GAB2: variants seen among roughly 807,000 people sequenced by gnomAD.
The protein encoded by GAB2 is GRB2-associated-binding protein 2.
A neutral mutation model predicts 65.5 loss-of-function variants in GAB2; 26 were observed. The ratio of observed to expected loss-of-function variants is 0.40; its 90% CI spans 0.29 to 0.55. The LOEUF is 0.55. GAB2 is among the 20% of genes least tolerant of loss of function. The pLI, the probability that GAB2 is intolerant of heterozygous loss-of-function variation, is 0.53. For synonymous variants in GAB2, 321 were observed against 329.6 expected, an observed-to-expected ratio of 0.97 and a Z score of 0.28; for missense variants, 884 against 875.8, an observed-to-expected ratio of 1.01 and a Z score of -0.12.
intron 3 of GAB2, among the ~76,000 whole-genome samples, chr11:78,245,357 T>C (rs772863111): frequency 3.0e-4 from 46 of 152,130 alleles, no homozygotes; most frequent in Admixed American, 3.9e-4. Context: ...AAAATACATA[T>C]AGAATAATAA....
chr11:78,332,491 G>A (rs1215320726), intron 1 of GAB2, among the ~76,000 whole-genome samples: 1 of 152,152 alleles, frequency 6.6e-6, no homozygotes, highest in Non-Finnish European at 1.5e-5. Context: ...ACAAAAAGAA[G>A]GTAAAAGCCC....
intron 1 of GAB2, among the ~76,000 whole-genome samples, chr11:78,400,229 T>C (rs1247392368): frequency 6.6e-6 from 1 of 152,148 alleles, no homozygotes; most frequent in Non-Finnish European, 1.5e-5. Flanking sequence ...CCATATTCCT[T>C]CCTAGGCCCT....
intron 1 of GAB2, among the ~76,000 whole-genome samples, chr11:78,406,260 G>C (rs981273783): frequency 6.6e-6 from 1 of 152,182 alleles, no homozygotes; most frequent in Non-Finnish European, 1.5e-5. Context: ...ACTTCTACTT[G>C]AAAGTACTAA....
chr11:78,336,954 G>C (rs1377070453), intron 1 of GAB2, among the ~76,000 whole-genome samples: 1 of 152,170 alleles, frequency 6.6e-6, no homozygotes, highest in Non-Finnish European at 1.5e-5. Context: ...TCATAGTAAA[G>C]GGAAGAAAAG....
intron 3 of GAB2, among the ~76,000 whole-genome samples, chr11:78,230,058 A>G (rs1864795927): frequency 6.6e-6 from 1 of 152,244 alleles, no homozygotes; most frequent in Non-Finnish European, 1.5e-5. Flanking sequence ...TCCTTGAGGA[A>G]AGAAACTGTG....
Position 78,215,912 on chromosome 11 carries a change from G to A in GAB2, c.*3360C>T, listed in dbSNP as rs936824766. 1 of 152,704 alleles carries A rather than the reference G, an allele frequency of 6.5e-6. No homozygotes were observed. 9.5% of individuals were successfully genotyped at this position (152,704 alleles called of 1,614,324 possible). A position where few individuals can be genotyped will look rare whatever the true frequency, so the allele number is the denominator to read the frequency against. On this transcript the variant is annotated 3_prime_UTR_variant, in exon 10 of 10. Transcript: ENST00000361507. ...GTCCCCATGGGAGAAGGGGCCAGAG[G>A]GAGGATGAGCTGAGCCCATGCTCCA...
intron 1 of GAB2, among the ~76,000 whole-genome samples, chr11:78,302,420 CAT>C (rs1272325572): frequency 2.2e-4 from 34 of 151,984 alleles, no homozygotes; most frequent in Non-Finnish European, 3.2e-4. Context: ...GGCTAACAGA[CAT>C]ATGAAAAAAT....
chr11:78,410,572 A>C (rs1021585306), intron 1 of GAB2, among the ~76,000 whole-genome samples: 1 of 152,218 alleles, frequency 6.6e-6, no homozygotes, highest in African/African-American at 2.4e-5. Context: ...AAAATAAAGC[A>C]GTGGACCCAC....
rs192879696 is a variant in GAB2 at position 78,279,780 on chromosome 11, G to A, written c.376+821C>T. ...CATTTTATGGCTTAGTAATATATATGTATATACCATATTTGATTTATTGAT... is the reference window on the plus strand; with the variant it reads ...CATTTTATGGCTTAGTAATATATATATATATACCATATTTGATTTATTGAT... On this transcript the variant is annotated intron_variant, in intron 2 of 9. Transcript: ENST00000361507. Among the ~76,000 whole-genome samples, 17 of 152,142 alleles carry A rather than the reference G, an allele frequency of 1.1e-4. No homozygotes were observed. In the East Asian group the frequency reaches 3.3e-3, roughly 29 times the overall value.
chr11:78,242,489 G>A (rs558698254), intron 3 of GAB2, among the ~76,000 whole-genome samples: 34 of 150,492 alleles, frequency 2.3e-4, no homozygotes, highest in East Asian at 5.8e-4. Context: ...GCGACAGAGC[G>A]AGACTCCGTC....
chr11:78,243,623 G>A (rs906483377), intron 3 of GAB2, among the ~76,000 whole-genome samples: 1 of 151,692 alleles, frequency 6.6e-6, no homozygotes, highest in Non-Finnish European at 1.5e-5. Flanking sequence ...GGCAGATCAC[G>A]AGGTCAGGGG....
chr11:78,304,157 GAAGTA>G (rs1178604229), intron 1 of GAB2, among the ~76,000 whole-genome samples: 7 of 151,754 alleles, frequency 4.6e-5, no homozygotes, highest in African/African-American at 1.5e-4. Flanking sequence ...CAAATTTATT[GAAGTA>G]AAGTTGTTCA....
At chr11:78,406,747 CAG>C (rs1857050460) in intron 1 of GAB2, among the ~76,000 whole-genome samples, 1 of 152,118 alleles carries the variant, frequency 6.6e-6, no homozygotes, top group South Asian at 2.1e-4. Flanking sequence ...AGACAATCGA[CAG>C]ATGCCAACAC....
intron 1 of GAB2, among the ~76,000 whole-genome samples, chr11:78,288,408 G>A (rs1244071007): frequency 5.6e-5 from 8 of 142,754 alleles, no homozygotes; most frequent in African/African-American, 1.0e-4. Context: ...AGAAGAAGAA[G>A]AAGAAGAAAG....
intron 1 of GAB2, among the ~76,000 whole-genome samples, chr11:78,378,734 T>A (rs1856663152): frequency 6.6e-6 from 1 of 152,194 alleles, no homozygotes; most frequent in African/African-American, 2.4e-5. Flanking sequence ...CAAGCAATCC[T>A]CCTGCCTCCA....
At chr11:78,240,718 C>G (rs1470949957) in intron 3 of GAB2, among the ~76,000 whole-genome samples, 1 of 151,426 alleles carries the variant, frequency 6.6e-6, no homozygotes, top group Non-Finnish European at 1.5e-5. Flanking sequence ...ATCCTCCTCC[C>G]TGAAACCAAA....
At chr11:78,400,224 T>C (rs916017338) in intron 1 of GAB2, among the ~76,000 whole-genome samples, 2 of 152,198 alleles carry the variant, frequency 1.3e-5, no homozygotes, top group Non-Finnish European at 2.9e-5. Flanking sequence ...GAACACCATA[T>C]TCCTTCCTAG....
At chr11:78,339,246 T>A (rs1017076207) in intron 1 of GAB2, among the ~76,000 whole-genome samples, 2 of 152,118 alleles carry the variant, frequency 1.3e-5, no homozygotes, top group African/African-American at 4.8e-5. Context: ...TCATGACAAA[T>A]CTATGACACT....
intron 1 of GAB2, among the ~76,000 whole-genome samples, chr11:78,315,762 A>G (rs115008448): frequency 0.02 from 2,985 of 152,298 alleles, 104 homozygotes; most frequent in African/African-American, 0.07. Context: ...TGCAAATCAT[A>G]TATCTGGTAA....
Sources: allele counts gnomAD v4.1 joint callset (sites outside exome capture counted in the v4.1 genomes callset), GRCh38; gene constraint gnomAD v4.1.1; transcripts MANE v1.5; gene names NCBI Gene and HGNC (gene_info 2026-07-23, HGNC 2026-07-21).